The following SGIP1 variants were observed in gnomAD, a reference collection of about 807,000 sequenced individuals.
SGIP1 encodes the protein SH3-containing GRB2-like protein 3-interacting protein 1.
In SGIP1, 38 loss-of-function variants were observed where a neutral mutation model predicts 107.5. That is an observed-to-expected ratio of 0.35 (90% CI 0.27 to 0.46). SGIP1 has a LOEUF of 0.46. Among genes scored for constraint, SGIP1 ranks in the 20% least tolerant of loss-of-function variants. SGIP1 has a pLI of 1.00. For missense variants in SGIP1, 929 were observed against 1,019.5 expected (o/e 0.91, Z 1.21); for synonymous variants, 365 against 366.1 (o/e 1.00, Z 0.03).
intron 1 of SGIP1, among the ~76,000 whole-genome samples, chr1:66,607,725 C>T (rs990679591): frequency 6.6e-6 from 1 of 152,178 alleles, no homozygotes; most frequent in Non-Finnish European, 1.5e-5. Flanking sequence ...TCTTCATATG[C>T]TTTAGAGGTG....
At chr1:66,687,490 T>A (rs968857567) in intron 15 of SGIP1, among the ~76,000 whole-genome samples, 34 of 152,100 alleles carry the variant, frequency 2.2e-4, no homozygotes, top group African/African-American at 8.0e-4. Flanking sequence ...AAAATATCTA[T>A]ATTGAGAGAG....
At chr1:66,714,209 A>C (rs945689974) in intron 18 of SGIP1, among the ~76,000 whole-genome samples, 1 of 152,176 alleles carries the variant, frequency 6.6e-6, no homozygotes, top group Non-Finnish European at 1.5e-5. Flanking sequence ...ATACCATTTT[A>C]AGATGAGGAA....
chr1:66,652,391 G>A (rs2078927488), intron 7 of SGIP1, among the ~76,000 whole-genome samples: 1 of 152,166 alleles, frequency 6.6e-6, no homozygotes, highest in Non-Finnish European at 1.5e-5. Flanking sequence ...GAAATGATGT[G>A]AGAGCAGGAG....
intron 15 of SGIP1, among the ~76,000 whole-genome samples, chr1:66,687,336 A>G (rs1395843351): frequency 6.6e-6 from 1 of 152,002 alleles, no homozygotes; most frequent in Non-Finnish European, 1.5e-5. Context: ...TCACTGTTTA[A>G]AGATTTATTG....
intron 1 of SGIP1, among the ~76,000 whole-genome samples, chr1:66,600,382 A>G (rs1570393349): frequency 6.6e-6 from 1 of 152,244 alleles, no homozygotes; most frequent in East Asian, 1.9e-4. Context: ...TAGAAATGGA[A>G]GTCATGTCAA....
In SGIP1 at chr1:66,660,504, C is replaced by G; in HGVS notation, c.460-9C>G. ...TCTTTATTCTTCCTCCCCATGCCTA[C>G]GCTTTTAGAGGAAAAGTCCGGTAAG... On this transcript the variant is annotated splice_polypyrimidine_tract_variant and intron_variant, in intron 7 of 24. Transcript: ENST00000371037. 6.2e-7 allele frequency: 1 copy of G among 1,609,514 alleles called. No homozygotes were observed. Among genetic ancestry groups the G allele is most frequent in the Non-Finnish European group, 8.5e-7 (1 of 1,175,932 alleles).
At chr1:66,556,463 C>T (rs1031505380) in intron 1 of SGIP1, among the ~76,000 whole-genome samples, 85 of 152,106 alleles carry the variant, frequency 5.6e-4, no homozygotes, top group African/African-American at 1.9e-3. Flanking sequence ...TTTGTATTTC[C>T]CCACTGATTG....
At chr1:66,544,764 A>G (rs913133907) in intron 1 of SGIP1, among the ~76,000 whole-genome samples, 1 of 152,210 alleles carries the variant, frequency 6.6e-6, no homozygotes, top group Non-Finnish European at 1.5e-5. Flanking sequence ...AAATGCCCTT[A>G]GTGAATCACC....
At chr1:66,625,760 A>T in intron 1 of SGIP1, 87 bp from the exon 2 acceptor site, 1 of 1,124,744 alleles carries the variant, frequency 8.9e-7, no homozygotes, top group Non-Finnish European at 1.3e-6. Context: ...CTAAACATTT[A>T]AGTCTAACTG....
intron 1 of SGIP1, among the ~76,000 whole-genome samples, chr1:66,566,585 T>C (rs893008654): frequency 1.3e-5 from 2 of 151,974 alleles, no homozygotes; most frequent in East Asian, 1.9e-4. Context: ...ATGGGTCTAG[T>C]TTTTCATCTG....
intron 9 of SGIP1, among the ~76,000 whole-genome samples, chr1:66,670,216 TG>T (rs2083462052): frequency 6.6e-6 from 1 of 152,238 alleles, no homozygotes; most frequent in Admixed American, 6.5e-5. Context: ...TCACAACTTC[TG>T]GTTTTTAATC....
chr1:66,636,070 T>TA, intron 4 of SGIP1, 55 bp downstream of exon 4: 8 of 1,513,336 alleles, frequency 5.3e-6, no homozygotes, highest in Non-Finnish European at 7.3e-6. Flanking sequence ...AAACAGTGAG[T>TA]AAAATCCCAA....
At chr1:66,733,695 GT>G in intron 20 of SGIP1, 52 bp from the exon 21 acceptor site, 1 of 1,587,082 alleles carries the variant, frequency 6.3e-7, no homozygotes, top group Non-Finnish European at 8.6e-7. Context: ...TTCGTGTAGG[GT>G]TTATATTTGT....
intron 1 of SGIP1, among the ~76,000 whole-genome samples, chr1:66,551,884 C>T (rs953043296): frequency 6.6e-6 from 1 of 152,008 alleles, no homozygotes; most frequent in Non-Finnish European, 1.5e-5. Flanking sequence ...AGAAGATGAC[C>T]CAAGGTTGGT....
chr1:66,605,174 C>T (rs1373337391), intron 1 of SGIP1, among the ~76,000 whole-genome samples: 3 of 152,172 alleles, frequency 2.0e-5, no homozygotes, highest in African/African-American at 7.2e-5. Context: ...CATCTCCTGT[C>T]ACTGTCTTCT....
chr1:66,651,858 C>T (rs1273477578), intron 7 of SGIP1, among the ~76,000 whole-genome samples: 1 of 152,126 alleles, frequency 6.6e-6, no homozygotes, highest in African/African-American at 2.4e-5. Context: ...GGAATGATGT[C>T]CATTTTATAT....
At chr1:66,579,781 C>T (rs901114983) in intron 1 of SGIP1, among the ~76,000 whole-genome samples, 1 of 152,158 alleles carries the variant, frequency 6.6e-6, no homozygotes, top group Non-Finnish European at 1.5e-5. Context: ...GTTACAAAAC[C>T]TTTCTGAGCA....
At chr1:66,613,722 C>T (rs865831196) in intron 1 of SGIP1, among the ~76,000 whole-genome samples, 10 of 152,266 alleles carry the variant, frequency 6.6e-5, no homozygotes, top group Admixed American at 5.2e-4. Context: ...TCAAACACCA[C>T]GCAATAATGC....
chr1:66,584,199 A>G (rs888763424), intron 1 of SGIP1, among the ~76,000 whole-genome samples: 13 of 152,222 alleles, frequency 8.5e-5, no homozygotes, highest in African/African-American at 3.1e-4. Flanking sequence ...CATATTTTCA[A>G]TACCTATATC....
Sources: allele counts gnomAD v4.1 joint callset (sites outside exome capture counted in the v4.1 genomes callset), GRCh38; gene constraint gnomAD v4.1.1; transcripts MANE v1.5; gene names NCBI Gene and HGNC (gene_info 2026-07-23, HGNC 2026-07-21).